CDH13: variants seen among roughly 807,000 people sequenced by gnomAD.
CDH13 encodes the protein cadherin 13.
CDH13 carries 24 observed loss-of-function variants against 63.8 expected under a neutral mutation model. The observed-to-expected ratio is 0.38, with a 90% CI of 0.27 to 0.53. The LOEUF (loss-of-function observed/expected upper bound fraction) is 0.53, where lower values mean the gene tolerates loss of function less well. CDH13 is among the 20% of genes least tolerant of loss of function. The probability of loss-of-function intolerance (pLI) is 0.85; values close to 1 mark genes in which losing one functional copy is unlikely to be tolerated. For synonymous variants in CDH13, 503 were observed against 355.3 expected (o/e 1.42, Z -4.67); for missense variants, 1,049 against 903.1 (o/e 1.16, Z -2.07).
intron 2 of CDH13, among the ~76,000 whole-genome samples, chr16:83,027,107 C>A (rs970162265): frequency 1.4e-4 from 20 of 143,426 alleles, no homozygotes; most frequent in African/African-American, 2.3e-4. Context: ...GGGAGACCCC[C>A]CCCCCCCACC....
chr16:82,725,903 C>T (rs533676274), intron 1 of CDH13, among the ~76,000 whole-genome samples: 3 of 152,180 alleles, frequency 2.0e-5, no homozygotes, highest in Admixed American at 6.5e-5. Flanking sequence ...CTTAATAAGG[C>T]CTGAGGTTAT....
intron 11 of CDH13, among the ~76,000 whole-genome samples, chr16:83,778,823 C>T (rs1021894550): frequency 6.6e-6 from 1 of 152,118 alleles, no homozygotes; most frequent in African/African-American, 2.4e-5. Context: ...TTTTCACCCC[C>T]AGAAGAAAAT....
chr16:83,366,557 T>C (rs997007190), intron 6 of CDH13, among the ~76,000 whole-genome samples: 1 of 152,180 alleles, frequency 6.6e-6, no homozygotes, highest in African/African-American at 2.4e-5. Flanking sequence ...CAGAACGACA[T>C]CATCCCTGCG....
At chr16:83,464,834 G>A (rs570569356) in intron 6 of CDH13, among the ~76,000 whole-genome samples, 212 of 152,292 alleles carry the variant, frequency 1.4e-3, no homozygotes, top group Non-Finnish European at 2.3e-3. Context: ...TTTTTGATGG[G>A]GTTTCACCAA....
rs1283273643 is a variant in CDH13 at position 83,504,218 on chromosome 16, T to G, written c.960+17563T>G. 2.6e-5 allele frequency among the ~76,000 whole-genome samples: 4 copies of G among 152,316 alleles called. No individual in the cohort carries two copies. In the South Asian group the frequency reaches 8.3e-4, roughly 32 times the overall value. ...AGTGGAACAGGCTGGATTTTAATCC[T>G]CAGGTTGCTGCACCCTTGGTGAAGC... On this transcript the variant is annotated intron_variant, in intron 7 of 13. Transcript: ENST00000567109.
chr16:82,633,532 C>T (rs141292046), intron 1 of CDH13, among the ~76,000 whole-genome samples: 2 of 152,170 alleles, frequency 1.3e-5, no homozygotes, highest in Admixed American at 1.3e-4. Flanking sequence ...GTGCCCGCCA[C>T]CAGGCCTGGC....
At chr16:83,688,197 G>A (rs1334865516) in intron 10 of CDH13, among the ~76,000 whole-genome samples, 1 of 152,156 alleles carries the variant, frequency 6.6e-6, no homozygotes, top group African/African-American at 2.4e-5. Context: ...CACAAAAAAT[G>A]TTGGGAAATT....
intron 6 of CDH13, among the ~76,000 whole-genome samples, chr16:83,468,300 G>A (rs1047068325): frequency 3.0e-4 from 46 of 152,158 alleles, no homozygotes; most frequent in African/African-American, 8.9e-4. Context: ...AGAAGCACAG[G>A]CAAGGTGAAG....
intron 1 of CDH13, among the ~76,000 whole-genome samples, chr16:82,848,931 A>G (rs1454726435): frequency 2.6e-5 from 4 of 152,224 alleles, no homozygotes; most frequent in African/African-American, 7.2e-5. Context: ...GCAAAGGAAG[A>G]GTTCCTGAAG....
At chr16:82,628,093 C>T (rs1907568192) in intron 1 of CDH13, among the ~76,000 whole-genome samples, 1 of 152,238 alleles carries the variant, frequency 6.6e-6, no homozygotes, top group African/African-American at 2.4e-5. Flanking sequence ...GAAAGCAGCG[C>T]TCCGAGGCCA....
intron 5 of CDH13, among the ~76,000 whole-genome samples, chr16:83,295,706 C>A (rs573437960): frequency 5.8e-4 from 88 of 152,172 alleles, no homozygotes; most frequent in Non-Finnish European, 3.2e-4. Context: ...AATGAGGAAC[C>A]CTTGCCCACT....
At chr16:82,971,659 C>T (rs1299978633) in intron 2 of CDH13, among the ~76,000 whole-genome samples, 3 of 152,150 alleles carry the variant, frequency 2.0e-5, no homozygotes, top group Non-Finnish European at 4.4e-5. Flanking sequence ...AAACTCTTCC[C>T]AAATTCAACC....
intron 1 of CDH13, among the ~76,000 whole-genome samples, chr16:82,782,030 C>A (rs780867763): frequency 2.6e-5 from 4 of 152,188 alleles, no homozygotes; most frequent in Non-Finnish European, 5.9e-5. Context: ...GGGTGAGGAA[C>A]ACAACAGCAG....
At chr16:82,814,005 C>T (rs146193884) in intron 1 of CDH13, among the ~76,000 whole-genome samples, 6 of 152,184 alleles carry the variant, frequency 3.9e-5, no homozygotes, top group South Asian at 2.1e-4. Flanking sequence ...ATTCAAATAC[C>T]GGCTGCTGTG....
chr16:82,808,225 T>A (rs565095775), intron 1 of CDH13, among the ~76,000 whole-genome samples: 1 of 152,322 alleles, frequency 6.6e-6, no homozygotes, highest in South Asian at 2.1e-4. Flanking sequence ...TTTTTAGAAC[T>A]GCTAAATCAT....
chr16:83,049,300 A>G (rs545449465), intron 3 of CDH13, among the ~76,000 whole-genome samples: 3 of 149,194 alleles, frequency 2.0e-5, no homozygotes, highest in South Asian at 4.2e-4. Context: ...AAATCATACA[A>G]TACTTGGGCA....
At chr16:83,228,598 G>A (rs1240591490) in intron 5 of CDH13, among the ~76,000 whole-genome samples, 1 of 152,208 alleles carries the variant, frequency 6.6e-6, no homozygotes, top group African/African-American at 2.4e-5. Context: ...AATGAGGAAT[G>A]ACAGGAGACA....
At chr16:82,991,509 T>C (rs2151405720) in intron 2 of CDH13, among the ~76,000 whole-genome samples, 1 of 152,308 alleles carries the variant, frequency 6.6e-6, no homozygotes, top group Non-Finnish European at 1.5e-5. Flanking sequence ...TTTTCATCTC[T>C]TTCCTGCCCA....
rs552920783 is a variant in CDH13, at chr16:82,774,880, A to G, written c.46-83482A>G. On this transcript the variant is annotated intron_variant, in intron 1 of 13. Transcript: ENST00000567109. ...CCTCCTATGGCTCCTCTGTTACCAA[A>G]CAAGCTCTTCCTATAGCTGCAGCTG... 2.4e-4 allele frequency among the ~76,000 whole-genome samples: 37 copies of G among 152,320 alleles called. No homozygotes were observed. In the South Asian group the frequency reaches 3.3e-3, roughly 14 times the overall value.
Sources: allele counts gnomAD v4.1 joint callset (sites outside exome capture counted in the v4.1 genomes callset), GRCh38; gene constraint gnomAD v4.1.1; transcripts MANE v1.5; gene names NCBI Gene and HGNC (gene_info 2026-07-23, HGNC 2026-07-21).